The following BRD4 variants were observed in gnomAD, a reference collection of about 807,000 sequenced individuals.
The protein encoded by BRD4 is bromodomain containing 4, also known as bromodomain-containing protein 4.
A neutral mutation model predicts 142.1 loss-of-function variants in BRD4; 16 were observed. The ratio of observed to expected loss-of-function variants is 0.11; its 90% CI spans 0.08 to 0.17. The LOEUF is 0.17. BRD4 is among the 10% of genes least tolerant of loss of function. BRD4 has a pLI of 1.00. For synonymous variants in BRD4, 833 were observed against 707.5 expected (o/e 1.18, Z -2.82); for missense variants, 1,424 against 1,810.9 (o/e 0.79, Z 3.88).
At chr19:15,255,253 G>A (rs2047395310) in intron 10 of BRD4, 44 bp downstream of exon 10, 1 of 1,574,942 alleles carries the variant, frequency 6.3e-7, no homozygotes, top group Admixed American at 1.8e-5. Context: ...TTACTCTGAG[G>A]GTGCCCACAG....
intron 11 of BRD4, chr19:15,253,620 G>T: frequency 6.3e-7 from 1 of 1,596,092 alleles, no homozygotes; most frequent in Non-Finnish European, 8.5e-7. Flanking sequence ...CTGGGGCCCA[G>T]GTGATGGCAG....
intron 1 of BRD4, among the ~76,000 whole-genome samples, chr19:15,312,616 G>C (rs2047981497): frequency 6.6e-6 from 1 of 150,906 alleles, no homozygotes; most frequent in Admixed American, 6.6e-5. Context: ...TGGGCAACAG[G>C]AGTGAAAATC....
At chr19:15,293,199 C>T (rs2047797744) in intron 1 of BRD4, among the ~76,000 whole-genome samples, 1 of 152,082 alleles carries the variant, frequency 6.6e-6, no homozygotes, top group South Asian at 2.1e-4. Context: ...AAAACCGAAG[C>T]TAAAAAACAA....
rs1374177176 is a variant in BRD4, at chr19:15,244,495, G to C, written c.2317C>G (p.Gln773Glu). Residue 773 changes from glutamine to glutamate, a missense_variant, in exon 13 of 20, where the codon CAA (glutamine) becomes GAA (glutamate). Around this residue, in one of 16 missense-constraint regions of BRD4, gnomAD observed 598 missense variants for 647.8 expected, o/e 0.92. Transcript: ENST00000679869. The stretch of plus-strand genomic sequence containing the variant: ...GGAGGCGGGGGTGGCGGCTGCTGTT[G>C]CTGCTGCGGAGGTGGAGGCGGTGGG... ...QPPPPPPPQQ[Q>E]QQPPPPPPPP... The C allele has an allele frequency of 5.2e-6, 8 of 1,538,520 alleles. No individual in the cohort carries two copies. Among genetic ancestry groups the C allele is most frequent in the Non-Finnish European group, 7.0e-6 (8 of 1,150,494 alleles).
At chr19:15,245,247 G>T (rs2047275326) in intron 11 of BRD4, among the ~76,000 whole-genome samples, 1 of 152,120 alleles carries the variant, frequency 6.6e-6, no homozygotes, top group African/African-American at 2.4e-5. Context: ...GCTTCTCGGG[G>T]GCCTCCAACT....
In BRD4 at chr19:15,254,088, C is replaced by T. The variant is rs567047149; in HGVS notation, c.2158+64G>A. ...GGCTCTAGCATCCTGGACACAGGACCGAGCTAGTGCCAGGCACAGGTGGGA... is the reference window on the plus strand; with the variant it reads ...GGCTCTAGCATCCTGGACACAGGACTGAGCTAGTGCCAGGCACAGGTGGGA... On this transcript the variant is annotated intron_variant, in intron 11 of 19. Coordinates refer to ENST00000679869, the MANE Select transcript of BRD4 (RefSeq NM_001379291.1). The T allele has an allele frequency of 1.1e-4, 149 of 1,383,310 alleles. No individual in the cohort carries two copies. The African/African-American group carries it at 1.4e-3, about 13-fold the overall frequency. The allele number at this position is 1,383,310 out of a possible 1,614,324, so 85.7% of individuals were successfully genotyped here.
chr19:15,304,900 G>A (rs2047900631), intron 1 of BRD4, among the ~76,000 whole-genome samples: 1 of 152,038 alleles, frequency 6.6e-6, no homozygotes, highest in Non-Finnish European at 1.5e-5. Context: ...GCATGAATTG[G>A]AAGGGCAAAA....
Position 15,328,935 on chromosome 19 carries a change from G to A in BRD4, c.-35+3355C>T, listed in dbSNP as rs1164678688. On this transcript the variant is annotated intron_variant, in intron 1 of 19. Coordinates refer to ENST00000679869, the MANE Select transcript of BRD4 (RefSeq NM_001379291.1). The stretch of plus-strand genomic sequence containing the variant: ...ATTACAGGCATGCGCCACTATGCCC[G>A]GCTAATTTTGTATTTTTAATAGAGA... Among the ~76,000 whole-genome samples, 5 of 152,224 alleles carry A rather than the reference G, an allele frequency of 3.3e-5. No individual in the cohort carries two copies. The South Asian group carries it at 8.3e-4, about 25-fold the overall frequency.
At chr19:15,262,211 C>T (rs1257456687) in intron 7 of BRD4, among the ~76,000 whole-genome samples, 1 of 152,138 alleles carries the variant, frequency 6.6e-6, no homozygotes, top group Non-Finnish European at 1.5e-5. Context: ...ATCCACAGGT[C>T]ACCAAAGGCT....
chr19:15,277,048 G>A (rs1394087371), intron 1 of BRD4, among the ~76,000 whole-genome samples: 2 of 152,242 alleles, frequency 1.3e-5, no homozygotes, highest in South Asian at 2.1e-4. Context: ...GATAACAGGA[G>A]ACAACATCTT....
chr19:15,278,466 T>A (rs1233735714), intron 1 of BRD4, among the ~76,000 whole-genome samples: 1 of 138,002 alleles, frequency 7.2e-6, no homozygotes. Context: ...ACCCGGGAGG[T>A]GGAGGTTGCA....
At position 15,244,778 on chromosome 19, in the gene BRD4, G is replaced by A. The variant is rs781766934; in HGVS notation, c.2159-16C>T. ...GGAGCCATCTCTGCAGAGGAAAAGA[G>A]AAGGTAGTGAGGCTCTGGGGGAGAA... On this transcript the variant is annotated splice_polypyrimidine_tract_variant and intron_variant, in intron 11 of 19. Transcript: ENST00000679869. 15 of 1,614,008 alleles carry A rather than the reference G, an allele frequency of 9.3e-6. No homozygotes were observed. In the South Asian group the frequency reaches 1.4e-4, roughly 15 times the overall value.
rs753567704 is a variant in BRD4, at chr19:15,254,138, A to C, written c.2158+14T>G. On this transcript the variant is annotated intron_variant, in intron 11 of 19. Coordinates refer to ENST00000679869, the MANE Select transcript of BRD4 (RefSeq NM_001379291.1). ...AAGAGTTTGGTAAGACACGTAGAAC[A>C]CAAGTCACCTAACCTGTTTCGGAGT... 22 of 1,608,908 alleles carry C rather than the reference A, an allele frequency of 1.4e-5. No homozygotes were observed. In the Admixed American group the frequency reaches 3.3e-4, roughly 24 times the overall value.
intron 1 of BRD4, among the ~76,000 whole-genome samples, chr19:15,278,440 C>A (rs2047672751): frequency 6.8e-6 from 1 of 148,084 alleles, no homozygotes; most frequent in Non-Finnish European, 1.5e-5. Context: ...GAGGCTGAGA[C>A]AGGAGAATCA....
intron 11 of BRD4, among the ~76,000 whole-genome samples, chr19:15,250,095 T>C (rs942072834): frequency 6.6e-6 from 1 of 152,122 alleles, no homozygotes; most frequent in Non-Finnish European, 1.5e-5. Flanking sequence ...ACCGACGTGC[T>C]ACTCCCTGGC....
chr19:15,257,564 G>A (rs984641600), intron 7 of BRD4, among the ~76,000 whole-genome samples: 2 of 152,124 alleles, frequency 1.3e-5, no homozygotes, highest in African/African-American at 2.4e-5. Flanking sequence ...AGATGCGTGC[G>A]GGGGAGCAGG....
intron 1 of BRD4, among the ~76,000 whole-genome samples, chr19:15,278,543 C>CAAAAAAAA (rs1235423521): frequency 1.3e-5 from 1 of 74,884 alleles, no homozygotes; most frequent in Non-Finnish European, 2.4e-5. Context: ...CAACCCCCGC[C>CAAAAAAAA]AAAAAAAAAA....
chr19:15,257,330 G>A (rs916249368), intron 7 of BRD4, 157 bp from the exon 8 acceptor site: 1 of 691,012 alleles, frequency 1.4e-6, no homozygotes, highest in African/African-American at 1.8e-5. Flanking sequence ...ACAGGGGCAA[G>A]GGCCAGCCAA....
rs2078332780 is a variant in BRD4 at position 15,239,133 on chromosome 19, C to T, written c.3708G>A (p.Glu1236=). Residue 1236 remains glutamate (E), a synonymous_variant, in exon 18 of 20, where the codon GAG becomes GAA. Coordinates refer to ENST00000679869, the MANE Select transcript of BRD4 (RefSeq NM_001379291.1). This position sits in a 1 kb window ranked among gnomAD's most constrained non-coding sequence, Gnocchi z 7.4. ...QFRRAAREKE[E]REKALKAQAE... ...CCTGAGCCTTCAGGGCCTTCTCACG[C>T]TCCTCTTTCTCCCGAGCGGCGCGGC... 6.2e-7 allele frequency: 1 copy of T among 1,611,396 alleles called. No homozygotes were observed. The highest frequency in any genetic ancestry group is 1.7e-5 in the Admixed American group (1 of 59,944).
Sources: gnomAD v4.1 joint callset for allele counts (sites outside exome capture counted in the v4.1 genomes callset) on GRCh38, gnomAD v4.1.1 for gene constraint, gnomAD v4.1.1 regional missense constraint, Gnocchi (gnomAD v3.1) non-coding constraint, MANE v1.5 for transcripts, NCBI Gene and HGNC (gene_info 2026-07-23, HGNC 2026-07-21) for gene names.